Variants in SRPK2 observed in about 807,000 individuals in gnomAD.
The protein encoded by SRPK2 is SRSF protein kinase 2.
SRPK2 carries 21 observed loss-of-function variants against 90.8 expected under a neutral mutation model. The observed-to-expected ratio is 0.23, with a 90% CI of 0.16 to 0.33. The LOEUF is 0.33. Among genes scored for constraint, SRPK2 ranks in the 10% least tolerant of loss-of-function variants. The pLI, the probability that SRPK2 is intolerant of heterozygous loss-of-function variation, is 1.00. For missense variants in SRPK2, 620 were observed against 869.0 expected (o/e 0.71, Z 3.60); for synonymous variants, 288 against 311.1 (o/e 0.93, Z 0.78).
At chr7:105,344,630 C>A (rs1406424226) in intron 2 of SRPK2, among the ~76,000 whole-genome samples, 1 of 152,034 alleles carries the variant, frequency 6.6e-6, no homozygotes, top group Non-Finnish European at 1.5e-5. Flanking sequence ...TACAAACACA[C>A]ATGACAGGCT....
intron 2 of SRPK2, among the ~76,000 whole-genome samples, chr7:105,386,010 G>C (rs1013377489): frequency 6.6e-6 from 1 of 152,052 alleles, no homozygotes; most frequent in African/African-American, 2.4e-5. Context: ...AAGGAGCTTT[G>C]TCTTGTTCAA....
chr7:105,297,433 T>C (rs1049218716), intron 2 of SRPK2: 32 of 984,020 alleles, frequency 3.3e-5, no homozygotes, highest in Non-Finnish European at 3.9e-5. Context: ...TATTGAACAT[T>C]TGCATATTTT....
rs535614233 is a variant in SRPK2 at position 105,285,641 on chromosome 7, G to GT, written c.72-81857dup. Among the ~76,000 whole-genome samples, 447 of 152,188 alleles carry GT rather than the reference G, an allele frequency of 2.9e-3. 1 individual carries two copies. Among genetic ancestry groups the GT allele is most frequent in the African/African-American group, 1.0e-2 (414 of 41,512 alleles). On this transcript the variant is annotated intron_variant, in intron 2 of 15. Coordinates refer to ENST00000393651, the MANE Select transcript of SRPK2 (RefSeq NM_182692.3). The stretch of plus-strand genomic sequence containing the variant: ...TGAATGGCTTAGCATTGTTCCCTTG[G>GT]TGACAAGTGAGTTCACATGAGATCT...
At position 105,133,808 on chromosome 7, in the gene SRPK2, T is replaced by C. The variant is rs77593212; in HGVS notation, c.1544-704A>G. 6.1e-3 allele frequency among the ~76,000 whole-genome samples: 930 copies of C among 152,314 alleles called. 16 individuals are homozygous for C. The East Asian group carries it at 0.062, about 10-fold the overall frequency. The stretch of plus-strand genomic sequence containing the variant: ...TCTGAGGTCAGTCATGAACTTGTCA[T>C]GTACATGAGCAGTCATTCTAAATTC... On this transcript the variant is annotated intron_variant, in intron 11 of 15. Transcript: ENST00000393651.
At chr7:105,274,487 G>A (rs1414360520) in intron 2 of SRPK2, among the ~76,000 whole-genome samples, 8 of 150,514 alleles carry the variant, frequency 5.3e-5, no homozygotes, top group African/African-American at 1.2e-4. Flanking sequence ...GCTTCAACCC[G>A]GGAGCTGCAG....
chr7:105,152,969 G>C (rs1805935905), intron 7 of SRPK2, among the ~76,000 whole-genome samples: 1 of 152,180 alleles, frequency 6.6e-6, no homozygotes, highest in Non-Finnish European at 1.5e-5. Context: ...AGGAGGCGGA[G>C]GTTGCAGTGA....
At chr7:105,382,203 C>A (rs892093520) in intron 2 of SRPK2, among the ~76,000 whole-genome samples, 8 of 151,274 alleles carry the variant, frequency 5.3e-5, no homozygotes, top group South Asian at 2.1e-4. Flanking sequence ...ACCCAGATAT[C>A]CTTTAGCCTG....
chr7:105,191,047 A>G (rs563348300), intron 3 of SRPK2, among the ~76,000 whole-genome samples: 1 of 152,320 alleles, frequency 6.6e-6, no homozygotes, highest in East Asian at 1.9e-4. Flanking sequence ...AATATAAGAT[A>G]CAAAATTAGA....
At chr7:105,176,555 A>ATGTGTG (rs759052609) in intron 3 of SRPK2, among the ~76,000 whole-genome samples, 1 of 119,800 alleles carries the variant, frequency 8.3e-6, no homozygotes, top group African/African-American at 3.6e-5. Flanking sequence ...GGTTTTGCAT[A>ATGTGTG]TATGTGTGTG....
At chr7:105,243,749 A>T (rs980704025) in intron 2 of SRPK2, among the ~76,000 whole-genome samples, 12 of 152,144 alleles carry the variant, frequency 7.9e-5, no homozygotes, top group African/African-American at 1.4e-4. Flanking sequence ...ACAAAAAAAA[A>T]TTTTAATTTC....
intron 2 of SRPK2, among the ~76,000 whole-genome samples, chr7:105,216,866 A>C (rs1227936288): frequency 6.6e-6 from 1 of 152,274 alleles, no homozygotes; most frequent in Non-Finnish European, 1.5e-5. Context: ...CAAGCCAGTG[A>C]CCATTTCTCT....
chr7:105,337,736 C>T (rs768063923), intron 2 of SRPK2, among the ~76,000 whole-genome samples: 5 of 152,140 alleles, frequency 3.3e-5, no homozygotes, highest in African/African-American at 1.2e-4. Context: ...TGGAACCTGA[C>T]CATGCTGGCA....
chr7:105,394,273 G>A (rs1822262439), upstream of SRPK2, among the ~76,000 whole-genome samples: 1 of 151,962 alleles, frequency 6.6e-6, no homozygotes, highest in Admixed American at 6.6e-5. Context: ...CTCCGAAGTA[G>A]CTGGGACTAC....
intron 2 of SRPK2, chr7:105,244,615 C>G: frequency 1.5e-6 from 1 of 672,122 alleles, no homozygotes; most frequent in Non-Finnish European, 2.6e-6. Context: ...CGGCGCCAGC[C>G]CCAGCGCGCC....
chr7:105,220,711 G>C (rs919881905), intron 2 of SRPK2, among the ~76,000 whole-genome samples: 6 of 152,070 alleles, frequency 3.9e-5, no homozygotes, highest in African/African-American at 1.2e-4. Context: ...CACTCCAGTT[G>C]AATGTCACTA....
chr7:105,260,879 A>C (rs1804141529), intron 2 of SRPK2, among the ~76,000 whole-genome samples: 1 of 125,330 alleles, frequency 8.0e-6, no homozygotes, highest in Non-Finnish European at 1.7e-5. Flanking sequence ...ACTGGAGCCT[A>C]TTGGGGGGTG....
chr7:105,118,103 G>A (rs2129570993), intron 15 of SRPK2, 81 bp from the exon 16 acceptor site: 1 of 1,477,300 alleles, frequency 6.8e-7, no homozygotes. Flanking sequence ...GTTCTTTTCA[G>A]TGAAGCGGAC....
At chr7:105,362,813 T>C (rs1165428339) in intron 2 of SRPK2, among the ~76,000 whole-genome samples, 1 of 152,152 alleles carries the variant, frequency 6.6e-6, no homozygotes, top group African/African-American at 2.4e-5. Flanking sequence ...CCATCAGTGA[T>C]AGACTGGATT....
intron 2 of SRPK2, among the ~76,000 whole-genome samples, chr7:105,285,295 A>T (rs1323272276): frequency 6.8e-6 from 1 of 147,928 alleles, no homozygotes; most frequent in Non-Finnish European, 1.5e-5. Context: ...CTGAGGTGGG[A>T]GGATTGAATG....
Sources: allele counts gnomAD v4.1 joint callset (sites outside exome capture counted in the v4.1 genomes callset), GRCh38; gene constraint gnomAD v4.1.1; transcripts MANE v1.5; gene names NCBI Gene and HGNC (gene_info 2026-07-23, HGNC 2026-07-21).